Variants in KIAA0586 observed in about 807,000 individuals in gnomAD.
The protein encoded by KIAA0586 is protein TALPID3.
Under a neutral mutation model 169.8 loss-of-function variants are expected in KIAA0586, and 144 were observed. The ratio of observed to expected loss-of-function variants is 0.85; its 90% confidence interval spans 0.74 to 0.97. The LOEUF is 0.97. Ranked by LOEUF, KIAA0586 falls within the 50% of genes least tolerant of loss-of-function variation. KIAA0586 has a pLI of 0.00. For missense variants in KIAA0586, 1,854 were observed against 1,823.0 expected (o/e 1.02, Z -0.31); for synonymous variants, 625 against 612.4 (o/e 1.02, Z -0.30).
chr14:58,477,078 C>A (rs1276323045), intron 19 of KIAA0586, 45 bp from the exon 20 acceptor site: 3 of 1,049,336 alleles, frequency 2.9e-6, no homozygotes, highest in South Asian at 1.4e-5. Context: ...ACATTTCAAT[C>A]AAATTGAGGA....
chr14:58,465,763 G>T, intron 14 of KIAA0586, 72 bp from the exon 15 acceptor site: 1 of 928,398 alleles, frequency 1.1e-6, no homozygotes, highest in African/African-American at 1.7e-5. Flanking sequence ...AAGAGCTGTT[G>T]TATTTCTAGA....
At chr14:58,523,385 A>G (rs8012790) in intron 29 of KIAA0586, among the ~76,000 whole-genome samples, 15,557 of 152,180 alleles carry the variant, frequency 0.1, 1,099 homozygotes, top group African/African-American at 0.19. Flanking sequence ...AGACTTGCCA[A>G]CATTCCAAAA....
At chr14:58,464,808 G>A (rs1023992413) in intron 14 of KIAA0586, among the ~76,000 whole-genome samples, 1 of 152,194 alleles carries the variant, frequency 6.6e-6, no homozygotes, top group Admixed American at 6.5e-5. Flanking sequence ...GGCAGGTAGT[G>A]TCTACAGTGT....
chr14:58,526,477 T>C (rs2045592566), intron 29 of KIAA0586, among the ~76,000 whole-genome samples: 2 of 152,024 alleles, frequency 1.3e-5, no homozygotes, highest in South Asian at 4.1e-4. Flanking sequence ...GCGTGAATGG[T>C]AGAAGGAAAA....
intron 30 of KIAA0586, among the ~76,000 whole-genome samples, chr14:58,546,013 G>A (rs189047808): frequency 4.1e-4 from 62 of 152,150 alleles, no homozygotes; most frequent in African/African-American, 1.4e-3. Context: ...CAGCCTAGGT[G>A]ACAGAGCAAG....
chr14:58,470,520 TAC>T lies in KIAA0586; in HGVS notation c.2443-83_2443-82del, dbSNP rs987888930. The T allele has an allele frequency of 3.5e-4, 226 of 651,174 alleles. 1 individual carries two copies. Among genetic ancestry groups the T allele is most frequent in the Middle Eastern group, 5.3e-4 (2 of 3,748 alleles). The allele number at this position is 651,174 out of a possible 1,614,324, so 40.3% of individuals were successfully genotyped here. A position where few individuals can be genotyped will look rare whatever the true frequency, so the allele number is the denominator to read the frequency against. ...TGCTTTGTTTTTATGTATATGTGTA[TAC>T]ACACACACATATACATGTATATACA... On this transcript the variant is annotated intron_variant, in intron 16 of 30. Coordinates refer to ENST00000652326, the MANE Select transcript of KIAA0586 (RefSeq NM_001329943.3).
Position 58,444,170 on chromosome 14 carries a change from A to G in KIAA0586, c.802A>G (p.Ile268Val). 1 of 1,592,212 alleles carries G rather than the reference A, an allele frequency of 6.3e-7. No homozygotes were observed. The highest frequency in any genetic ancestry group is 1.1e-5 in the South Asian group (1 of 90,176). Residue 268 changes from isoleucine to valine, a missense_variant, in exon 6 of 31, where the codon ATT becomes GTT. Physicochemically the swap from Ile to Val is conservative, Grantham distance 29. Coordinates refer to ENST00000652326, the MANE Select transcript of KIAA0586 (RefSeq NM_001329943.3). ...AAAGTTACAACAACAACAAATAGAT[A>G]TTCAGGTATCTGTAATAAATCCAGT... is the stretch of plus-strand genomic sequence containing the variant. ...LEKLQQQQIDIQTHFISAALK... is the reference protein window; with the variant it reads ...LEKLQQQQIDVQTHFISAALK...
At position 58,513,399 on chromosome 14, in the gene KIAA0586, A is replaced by C. The variant is rs549761043; in HGVS notation, c.4429+772A>C. Among the ~76,000 whole-genome samples, 195 of 152,130 alleles carry C rather than the reference A, an allele frequency of 1.3e-3. 1 individual carries two copies. The highest frequency in any genetic ancestry group is 3.6e-3 in the African/African-American group (148 of 41,534). Reference sequence around the variant, plus strand: ...AAATAATATTTAATTGAGCAAATGCATATTATTGAATGCCGGTATAATTGC... The same window carrying C: ...AAATAATATTTAATTGAGCAAATGCCTATTATTGAATGCCGGTATAATTGC... On this transcript the variant is annotated intron_variant, in intron 29 of 30. Transcript: ENST00000652326.
chr14:58,555,099 C>CTTTTTTTTTTTTTT (rs35845234), downstream of KIAA0586, among the ~76,000 whole-genome samples: 47 of 102,534 alleles, frequency 4.6e-4, no homozygotes, highest in Non-Finnish European at 6.1e-4. Flanking sequence ...TTCTTTCTTT[C>CTTTTTTTTTTTTTT]TTTTTTTTTT....
chr14:58,451,291 T>A (rs1266446187), intron 8 of KIAA0586, among the ~76,000 whole-genome samples: 4 of 152,308 alleles, frequency 2.6e-5, no homozygotes, highest in African/African-American at 9.6e-5. Context: ...AATGGCGTGA[T>A]CATGGCTCAC....
intron 8 of KIAA0586, 88 bp downstream of exon 8, chr14:58,450,834 A>G (rs551101335): frequency 3.6e-4 from 262 of 719,988 alleles, no homozygotes; most frequent in Non-Finnish European, 5.1e-4. Context: ...TGGGATCTCT[A>G]TTTGTAATAT....
intron 12 of KIAA0586, 118 bp from the exon 13 acceptor site, chr14:58,459,725 A>G (rs1685760661): frequency 1.8e-6 from 1 of 542,254 alleles, no homozygotes; most frequent in East Asian, 3.1e-5. Context: ...TTTTTAATGC[A>G]TTTAAAACTG....
At position 58,461,145 on chromosome 14, in the gene KIAA0586, A is replaced by T. The variant is rs751924115; in HGVS notation, c.2044A>T (p.Ile682Leu). The part of the protein sequence containing the change: ...PKSRPQRPKV[I>L]ERVKGTKVKS... Reference sequence around the variant, plus strand: ...GTCCAGACCACAGAGACCAAAAGTAATAGAACGAGTTAAAGGTAAGGAATC... The same window carrying T: ...GTCCAGACCACAGAGACCAAAAGTATTAGAACGAGTTAAAGGTAAGGAATC... The change falls in exon 14 of 31, where the codon ATA becomes TTA. Residue 682 changes from isoleucine (I) to leucine (L), a missense_variant. Physicochemically the swap from Ile to Leu is conservative, Grantham distance 5 (BLOSUM62 2). Coordinates refer to ENST00000652326, the MANE Select transcript of KIAA0586 (RefSeq NM_001329943.3). 1 of 1,585,368 alleles carries T rather than the reference A, an allele frequency of 6.3e-7. No individual in the cohort carries two copies. The highest frequency in any genetic ancestry group is 1.9e-5 in the Admixed American group (1 of 53,090).
chr14:58,561,298 CT>C, the KIAA0586 span, among the ~76,000 whole-genome samples: 1 of 152,094 alleles, frequency 6.6e-6, no homozygotes, highest in African/African-American at 2.4e-5. Flanking sequence ...CTGGATTTCT[CT>C]TTTAAAATAT....
In KIAA0586 at chr14:58,549,429, C is replaced by G. The variant is rs1340622111; in HGVS notation, c.*1497C>G. 2 of 151,844 alleles carry G rather than the reference C, an allele frequency of 1.3e-5. No individual in the cohort carries two copies. The highest frequency in any genetic ancestry group is 2.9e-5 in the Non-Finnish European group (2 of 67,988). 9.4% of individuals were successfully genotyped at this position (151,844 alleles called of 1,614,324 possible). On this transcript the variant is annotated 3_prime_UTR_variant, in exon 31 of 31. Coordinates refer to ENST00000652326, the MANE Select transcript of KIAA0586 (RefSeq NM_001329943.3). The stretch of plus-strand genomic sequence containing the variant: ...GAGCAATTTAGAATTCCTTAAACTT[C>G]TAGTAGGAGCCATTGCCTGGGGATT...
chr14:58,504,398 G>A (rs1450407118), intron 27 of KIAA0586, among the ~76,000 whole-genome samples: 1 of 152,116 alleles, frequency 6.6e-6, no homozygotes, highest in Non-Finnish European at 1.5e-5. Flanking sequence ...CTGAGAGAGA[G>A]CGAATATGGA....
chr14:58,453,962 G>C (rs2039612074), intron 9 of KIAA0586, among the ~76,000 whole-genome samples: 2 of 152,100 alleles, frequency 1.3e-5, no homozygotes. Flanking sequence ...AAAAACTACA[G>C]TAATAAGAAC....
chr14:58,513,175 GCC>G (rs1231658927), intron 29 of KIAA0586, among the ~76,000 whole-genome samples: 1 of 151,504 alleles, frequency 6.6e-6, no homozygotes, highest in Admixed American at 6.6e-5. Context: ...AAGGCTGTTG[GCC>G]TTGTGTTTTG....
chr14:58,487,795 G>T (rs1178481138), intron 22 of KIAA0586, 92 bp from the exon 23 acceptor site: 7 of 712,736 alleles, frequency 9.8e-6, no homozygotes, highest in Non-Finnish European at 1.7e-5. Context: ...TGCTAAAATG[G>T]TAAGGGATAT....
Sources: gnomAD v4.1 joint callset for allele counts (sites outside exome capture counted in the v4.1 genomes callset) on GRCh38, gnomAD v4.1.1 for gene constraint, MANE v1.5 for transcripts, NCBI Gene and HGNC (gene_info 2026-07-23, HGNC 2026-07-21) for gene names.